The following GRIP1 variants were observed in gnomAD, a reference collection of about 807,000 sequenced individuals.
GRIP1 encodes the protein glutamate receptor-interacting protein 1.
Under a neutral mutation model 129.9 loss-of-function variants are expected in GRIP1, and 45 were observed. The ratio of observed to expected loss-of-function variants is 0.35; its 90% CI spans 0.27 to 0.44. The LOEUF is 0.44. Among genes scored for constraint, GRIP1 ranks in the 20% least tolerant of loss-of-function variants. The pLI is 1.00. For synonymous variants in GRIP1, 530 were observed against 520.8 expected (o/e 1.02, Z -0.24); for missense variants, 1,196 against 1,396.8 (o/e 0.86, Z 2.29).
chr12:66,693,490 C>G (rs1034476973), intron 1 of GRIP1, among the ~76,000 whole-genome samples: 1 of 152,248 alleles, frequency 6.6e-6, no homozygotes, highest in South Asian at 2.1e-4. Context: ...CTGTTATCTG[C>G]CTGGCCCTTG....
intron 23 of GRIP1, among the ~76,000 whole-genome samples, chr12:66,353,948 G>A (rs2137087536): frequency 6.6e-6 from 1 of 152,296 alleles, no homozygotes; most frequent in South Asian, 2.1e-4. Context: ...TGGGGAATAA[G>A]CCAAAGGCCT....
rs1483962784 is a variant in GRIP1, at chr12:67,042,155, G to A, written c.58+26895C>T. Among the ~76,000 whole-genome samples, 9 of 152,246 alleles carry A rather than the reference G, an allele frequency of 5.9e-5. No individual in the cohort carries two copies. In the East Asian group the frequency reaches 1.7e-3, roughly 29 times the overall value. The stretch of plus-strand genomic sequence containing the variant: ...GTCACCACGTGATGCCTTCTCCCGT[G>A]GGATGACTCTCACCAGATGCAGCCT... On this transcript the variant is annotated intron_variant, in intron 1 of 1. Coordinates refer to the GRIP1 transcript ENST00000643019.
chr12:66,920,595 T>G (rs2041196459), intron 1 of GRIP1, among the ~76,000 whole-genome samples: 1 of 152,218 alleles, frequency 6.6e-6, no homozygotes, highest in African/African-American at 2.4e-5. Context: ...CCTTTTGATG[T>G]CTGATGAAGA....
At chr12:66,719,344 T>C (rs185744944) in intron 1 of GRIP1, among the ~76,000 whole-genome samples, 2 of 152,300 alleles carry the variant, frequency 1.3e-5, no homozygotes, top group East Asian at 3.9e-4. Flanking sequence ...GAAAAGGGAA[T>C]GGGTTCCATT....
chr12:67,006,206 T>C (rs968686217), intron 1 of GRIP1, among the ~76,000 whole-genome samples: 1 of 151,984 alleles, frequency 6.6e-6, no homozygotes, highest in African/African-American at 2.4e-5. Context: ...CAAAGGCAAG[T>C]GAAAAACCAC....
chr12:66,375,568 G>A (rs2055746470), intron 22 of GRIP1, among the ~76,000 whole-genome samples: 1 of 152,100 alleles, frequency 6.6e-6, no homozygotes, highest in Non-Finnish European at 1.5e-5. Flanking sequence ...TTATGAATTT[G>A]CCAATCATTC....
chr12:66,871,768 C>T (rs2040300408), intron 1 of GRIP1, among the ~76,000 whole-genome samples: 1 of 151,936 alleles, frequency 6.6e-6, no homozygotes, highest in Admixed American at 6.6e-5. Flanking sequence ...CATATTATGC[C>T]AGGTAGGGAT....
chr12:66,701,175 T>C (rs1345275913), intron 1 of GRIP1, among the ~76,000 whole-genome samples: 4 of 152,200 alleles, frequency 2.6e-5, no homozygotes, highest in Non-Finnish European at 4.4e-5. Context: ...CCTACTCCTC[T>C]ACTACTTTCC....
chr12:66,979,062 G>A (rs1286507940), intron 1 of GRIP1, among the ~76,000 whole-genome samples: 2 of 151,818 alleles, frequency 1.3e-5, no homozygotes, highest in Non-Finnish European at 2.9e-5. Flanking sequence ...CAGGATATAT[G>A]ATTTACTAAA....
chr12:66,352,446 G>C (rs981193068), intron 24 of GRIP1, among the ~76,000 whole-genome samples: 1 of 152,106 alleles, frequency 6.6e-6, no homozygotes, highest in African/African-American at 2.4e-5. Context: ...GAGAGTATAC[G>C]AAGAGGTTGC....
chr12:66,903,747 A>G (rs1260398947), intron 1 of GRIP1, among the ~76,000 whole-genome samples: 1 of 152,238 alleles, frequency 6.6e-6, no homozygotes, highest in Non-Finnish European at 1.5e-5. Context: ...TCCCAAAATG[A>G]TATGAAGGGA....
At chr12:66,573,449 TGATA>T (rs2063032767) in intron 2 of GRIP1, among the ~76,000 whole-genome samples, 1 of 152,142 alleles carries the variant, frequency 6.6e-6, no homozygotes, top group South Asian at 2.1e-4. Flanking sequence ...TGTTACATGG[TGATA>T]GATAACTAAT....
chr12:66,632,822 C>T (rs2030953140), intron 1 of GRIP1, among the ~76,000 whole-genome samples: 1 of 152,038 alleles, frequency 6.6e-6, no homozygotes, highest in Non-Finnish European at 1.5e-5. Flanking sequence ...TGTGCATAAT[C>T]CTGCTCTTAT....
At chr12:66,549,961 T>C (rs1036845168) in intron 2 of GRIP1, among the ~76,000 whole-genome samples, 2 of 152,214 alleles carry the variant, frequency 1.3e-5, no homozygotes, top group Non-Finnish European at 2.9e-5. Flanking sequence ...ATATGTGATA[T>C]ATGGGTCAGG....
At chr12:66,364,281 A>G (rs2054996558) in intron 23 of GRIP1, among the ~76,000 whole-genome samples, 3 of 148,518 alleles carry the variant, frequency 2.0e-5, no homozygotes, top group South Asian at 4.2e-4. Flanking sequence ...AAAAAAAAAA[A>G]AAAAAAAAAG....
chr12:66,570,092 T>C (rs998654059), intron 2 of GRIP1, among the ~76,000 whole-genome samples: 2 of 141,056 alleles, frequency 1.4e-5, no homozygotes, highest in Non-Finnish European at 3.1e-5. Context: ...GGGGGGTAGT[T>C]TGTAGGCATT....
intron 1 of GRIP1, among the ~76,000 whole-genome samples, chr12:66,894,870 C>A (rs1203645525): frequency 6.6e-6 from 1 of 152,142 alleles, no homozygotes; most frequent in Non-Finnish European, 1.5e-5. Context: ...ACTTTGACTC[C>A]TTGTAGGACT....
At chr12:66,582,180 A>T (rs1389958227) in intron 2 of GRIP1, among the ~76,000 whole-genome samples, 1 of 151,432 alleles carries the variant, frequency 6.6e-6, no homozygotes, top group Non-Finnish European at 1.5e-5. Flanking sequence ...ATAGATGCAG[A>T]AAAGGCCTTT....
At chr12:66,574,972 A>G (rs1370097575) in intron 2 of GRIP1, among the ~76,000 whole-genome samples, 3 of 151,626 alleles carry the variant, frequency 2.0e-5, no homozygotes, top group African/African-American at 7.3e-5. Flanking sequence ...GGGTTTCACC[A>G]TGTTGGCCAG....
Sources: gnomAD v4.1 joint callset for allele counts (sites outside exome capture counted in the v4.1 genomes callset) on GRCh38, gnomAD v4.1.1 for gene constraint, MANE v1.5 for transcripts, NCBI Gene and HGNC (gene_info 2026-07-23, HGNC 2026-07-21) for gene names.